MXRA8: variants seen among roughly 807,000 people sequenced by gnomAD.
The protein encoded by MXRA8 is matrix remodeling-associated protein 8.
Under a neutral mutation model 51.4 loss-of-function variants are expected in MXRA8, and 44 were observed. The observed-to-expected ratio is 0.86, with a 90% CI of 0.67 to 1.10. MXRA8 has a LOEUF of 1.10. Ranked by LOEUF, MXRA8 falls within the 50% of genes least tolerant of loss-of-function variation. The pLI is 0.00. For missense variants in MXRA8, 765 were observed against 638.9 expected, an observed-to-expected ratio of 1.20 and a Z score of -2.13; for synonymous variants, 369 against 293.5, an observed-to-expected ratio of 1.26 and a Z score of -2.63.
At position 1,353,622 on chromosome 1, in the gene MXRA8, C is replaced by G. The variant is rs370804277; in HGVS notation, c.1311G>C (p.Arg437=). The change falls in exon 10 of 10, where the codon CGG becomes CGC. Residue 437 remains arginine, a synonymous_variant. Transcript: ENST00000309212. ...GGCCTCCCTATTTGCAGTTCTCCTTCCGGAACCCTGGAAGCCAAGGGCGCC... is the reference window on the plus strand; with the variant it reads ...GGCCTCCCTATTTGCAGTTCTCCTTGCGGAACCCTGGAAGCCAAGGGCGCC... The part of the protein sequence containing the change: ...AKYIDLDKGF[R]KENCK The G allele has an allele frequency of 3.8e-5, 59 of 1,563,562 alleles. No homozygotes were observed. In the African/African-American group the frequency reaches 7.7e-4, roughly 20 times the overall value.
upstream of MXRA8, chr1:1,358,701 G>T: frequency 5.0e-6 from 7 of 1,392,648 alleles, no homozygotes; most frequent in Non-Finnish European, 5.6e-6. Context: ...GCTGGGGAGG[G>T]GCAGTGTGGG....
upstream of MXRA8, among the ~76,000 whole-genome samples, chr1:1,360,571 G>T (rs947048415): frequency 4.6e-5 from 7 of 152,100 alleles, no homozygotes; most frequent in Non-Finnish European, 8.8e-5. Flanking sequence ...TCTCCCTCTG[G>T]GAAGAGGACA....
At chr1:1,355,811 G>A in intron 2 of MXRA8, 59 bp from the exon 3 acceptor site, 1 of 854,462 alleles carries the variant, frequency 1.2e-6, no homozygotes. Context: ...CCTGGTTGGG[G>A]GAGTCAGTGG....
At chr1:1,354,548 G>T in intron 5 of MXRA8, 39 bp from the exon 6 acceptor site, 1 of 1,600,226 alleles carries the variant, frequency 6.2e-7, no homozygotes, top group Non-Finnish European at 8.5e-7. Flanking sequence ...TCAGGTACCA[G>T]CAAGACCTGC....
chr1:1,353,560 A>G lies in MXRA8; in HGVS notation c.*44T>C. ...AGGAGATGCCCCGAGGAGCACAGAC[A>G]GGAGAGGTGCAGCTGCTGGCCCAGC... On this transcript the variant is annotated 3_prime_UTR_variant, in exon 10 of 10. Coordinates refer to ENST00000309212, the MANE Select transcript of MXRA8 (RefSeq NM_032348.4). 1 of 1,552,580 alleles carries G rather than the reference A, an allele frequency of 6.4e-7. No homozygotes were observed. The highest frequency in any genetic ancestry group is 8.7e-7 in the Non-Finnish European group (1 of 1,147,972).
At chr1:1,358,987 C>T (rs545767656), upstream of MXRA8, 185 of 985,344 alleles carry the variant, frequency 1.9e-4, no homozygotes, top group Non-Finnish European at 2.2e-4. Context: ...GAGACCGCCC[C>T]CACCCACGGT....
chr1:1,353,205 A>T lies in MXRA8; in HGVS notation c.*399T>A. On this transcript the variant is annotated 3_prime_UTR_variant, in exon 10 of 10. Transcript: ENST00000309212. ...CTCCAGGAACATCTCCCAGCCCCCG[A>T]CGAGCAGAGCCCTGGAGGAGTGGGA... 1.6e-6 allele frequency: 2 copies of T among 1,260,648 alleles called. No homozygotes were observed. Among genetic ancestry groups the T allele is most frequent in the Non-Finnish European group, 2.3e-6 (2 of 887,552 alleles). 78.1% of individuals were successfully genotyped at this position (1,260,648 alleles called of 1,614,324 possible).
At chr1:1,361,162 A>G, upstream of MXRA8, 1 of 694,452 alleles carries the variant, frequency 1.4e-6, no homozygotes. Flanking sequence ...ACGGAAACAC[A>G]AACACACAGA....
At chr1:1,359,485 C>T (rs770461846), upstream of MXRA8, 56 of 985,348 alleles carry the variant, frequency 5.7e-5, no homozygotes, top group Middle Eastern at 5.2e-4. Flanking sequence ...CACTAGAAAC[C>T]CTCAGTGCAT....
chr1:1,353,946 G>A lies in MXRA8; in HGVS notation c.1223-18C>T, dbSNP rs866905059. On this transcript the variant is annotated intron_variant, in intron 8 of 9. Coordinates refer to ENST00000309212, the MANE Select transcript of MXRA8 (RefSeq NM_032348.4). ...TTTGTAATCTGTGGGAGGAGAGGAGGCTGAGGTCCCCGCTCCCAGGATGCA... is the reference window on the plus strand; with the variant it reads ...TTTGTAATCTGTGGGAGGAGAGGAGACTGAGGTCCCCGCTCCCAGGATGCA... 47 of 1,607,798 alleles carry A rather than the reference G, an allele frequency of 2.9e-5. No homozygotes were observed. In the Middle Eastern group the frequency reaches 6.0e-3, roughly 204 times the overall value.
upstream of MXRA8, chr1:1,358,626 C>CG: frequency 6.9e-7 from 1 of 1,446,876 alleles, no homozygotes; most frequent in Non-Finnish European, 9.1e-7. Flanking sequence ...GGCCTGTCTA[C>CG]GGTCTGGGGA....
upstream of MXRA8, chr1:1,358,629 T>C (rs1436545757): frequency 1.4e-6 from 2 of 1,432,064 alleles, no homozygotes; most frequent in Non-Finnish European, 1.8e-6. Flanking sequence ...CTGTCTACGG[T>C]CTGGGGACCG....
rs746019086 is a variant in MXRA8, at chr1:1,358,512, G to A, written c.-8C>T. On this transcript the variant is annotated 5_prime_UTR_variant, in exon 1 of 10. Coordinates refer to ENST00000309212, the MANE Select transcript of MXRA8 (RefSeq NM_032348.4). ...TCGGGATGGCAGCGCCATGGCCCCCGCCCAGCCCCAGGCTTTGTCCCACTC... is the reference window on the plus strand; with the variant it reads ...TCGGGATGGCAGCGCCATGGCCCCCACCCAGCCCCAGGCTTTGTCCCACTC... The A allele has an allele frequency of 7.5e-6, 12 of 1,606,320 alleles. No individual in the cohort carries two copies. The highest frequency in any genetic ancestry group is 5.4e-5 in the African/African-American group (4 of 74,610).
upstream of MXRA8, among the ~76,000 whole-genome samples, chr1:1,362,052 C>T (rs943044920): frequency 2.6e-5 from 4 of 152,218 alleles, no homozygotes; most frequent in African/African-American, 7.2e-5. Flanking sequence ...CGACTGTTCC[C>T]GGCCATGTCC....
Position 1,354,672 on chromosome 1 carries a change from C to A in MXRA8, c.949+10G>T, listed in dbSNP as rs758252667. The A allele has an allele frequency of 6.4e-7, 1 of 1,558,612 alleles. No homozygotes were observed. The highest frequency in any genetic ancestry group is 2.4e-5 in the East Asian group (1 of 42,434). ...CCCGCCTTCCCGGGTCCCAGGGAGG[C>A]CTCCTTCACCTGGGCCTGGGGCGCC... On this transcript the variant is annotated intron_variant, in intron 5 of 9. Transcript: ENST00000309212.
chr1:1,359,439 CA>C (rs1644192171), upstream of MXRA8: 1 of 985,338 alleles, frequency 1.0e-6, no homozygotes, highest in African/African-American at 1.7e-5. Context: ...TCTAATCAAG[CA>C]AACCTCAAGA....
chr1:1,361,115 A>G (rs1035259769), upstream of MXRA8: 8 of 694,770 alleles, frequency 1.2e-5, no homozygotes, highest in Admixed American at 2.0e-5. Context: ...ACACGCATGC[A>G]TGCACATGAA....
rs574102381 is a variant in MXRA8, at chr1:1,358,500, G to C, written c.5C>G (p.Ala2Gly). ...CCAAAGCAGGATTCGGGATGGCAGCGCCATGGCCCCCGCCCAGCCCCAGGC... is the reference window on the plus strand; with the variant it reads ...CCAAAGCAGGATTCGGGATGGCAGCCCCATGGCCCCCGCCCAGCCCCAGGC... Reference protein sequence around the residue: MALPSRILLWKL... With the variant: MGLPSRILLWKL... The change falls in exon 1 of 10, where the codon GCG becomes GGG. Residue 2 changes from alanine (A) to glycine (G), a missense_variant. Physicochemically the swap from Ala to Gly is moderately conservative, Grantham distance 60 (BLOSUM62 0). Coordinates refer to ENST00000309212, the MANE Select transcript of MXRA8 (RefSeq NM_032348.4). 6.2e-7 allele frequency: 1 copy of C among 1,613,030 alleles called. No homozygotes were observed. The highest frequency in any genetic ancestry group is 1.7e-5 in the Admixed American group (1 of 59,920).
upstream of MXRA8, chr1:1,359,147 C>G (rs189541959): frequency 3.2e-5 from 32 of 985,266 alleles, no homozygotes; most frequent in Non-Finnish European, 3.9e-5. Flanking sequence ...CCCTTTACAA[C>G]CTGGAGAGTC....
Sources: gnomAD v4.1 joint callset for allele counts (sites outside exome capture counted in the v4.1 genomes callset) on GRCh38, gnomAD v4.1.1 for gene constraint, MANE v1.5 for transcripts, NCBI Gene and HGNC (gene_info 2026-07-23, HGNC 2026-07-21) for gene names.